Variants in MOXD1 observed in about 807,000 individuals in gnomAD.
The protein encoded by MOXD1 is monooxygenase DBH like 1, also known as DBH-like monooxygenase protein 1.
Under a neutral mutation model 66.6 loss-of-function variants are expected in MOXD1, and 62 were observed. The observed-to-expected ratio is 0.93, with a 90% CI of 0.76 to 1.15. The LOEUF (loss-of-function observed/expected upper bound fraction) is 1.15. MOXD1 is among the 50% of genes most tolerant of loss of function. The pLI, the probability that MOXD1 is intolerant of heterozygous loss-of-function variation, is 0.00. For missense variants in MOXD1, 847 were observed against 754.6 expected, an observed-to-expected ratio of 1.12 and a Z score of -1.44; for synonymous variants, 303 against 281.9, an observed-to-expected ratio of 1.07 and a Z score of -0.75.
chr6:132,372,994 TATCCTGGGG>T lies in MOXD1; in HGVS notation c.412-6_414del. The T allele has an allele frequency of 6.2e-7, 1 of 1,610,838 alleles. No homozygotes were observed. The highest frequency in any genetic ancestry group is 8.5e-7 in the Non-Finnish European group (1 of 1,177,918). On this transcript the variant is annotated splice_acceptor_variant and splice_polypyrimidine_tract_variant and coding_sequence_variant and intron_variant, in exon 3 of 12. Coordinates refer to ENST00000367963, the MANE Select transcript of MOXD1 (RefSeq NM_015529.4). LOFTEE classifies it high-confidence loss of function. ...TAGGCCCAGATCACTCTCACAGTGCTATCCTGGGGATCAGACATGGGCATGATTAGGTCT... is the reference window on the plus strand; with the variant it reads ...TAGGCCCAGATCACTCTCACAGTGCTATCAGACATGGGCATGATTAGGTCT...
intron 1 of MOXD1, 138 bp downstream of exon 1, chr6:132,401,025 T>G: frequency 1.7e-6 from 2 of 1,145,306 alleles, no homozygotes; most frequent in Non-Finnish European, 2.3e-6. Flanking sequence ...GAGGCGAGAG[T>G]GAGCGTGGCC....
intron 4 of MOXD1, among the ~76,000 whole-genome samples, chr6:132,355,002 A>G (rs1355441044): frequency 6.6e-6 from 1 of 152,088 alleles, no homozygotes. Flanking sequence ...CCCTCCCATC[A>G]TGCCCCTCCC....
At chr6:132,366,688 C>G (rs1177179772) in intron 4 of MOXD1, among the ~76,000 whole-genome samples, 2 of 152,012 alleles carry the variant, frequency 1.3e-5, no homozygotes, top group Non-Finnish European at 2.9e-5. Context: ...AAATAGAAAC[C>G]CTCTATCGCA....
chr6:132,303,807 A>ACG (rs1491472694), intron 10 of MOXD1, among the ~76,000 whole-genome samples: 14 of 47,922 alleles, frequency 2.9e-4, no homozygotes, highest in Admixed American at 2.1e-3. Context: ...ATACACACAC[A>ACG]TGTGTGTGTG....
chr6:132,382,079 T>C (rs1188776845), intron 1 of MOXD1, among the ~76,000 whole-genome samples: 1 of 152,142 alleles, frequency 6.6e-6, no homozygotes, highest in East Asian at 1.9e-4. Flanking sequence ...ACTCTCGTTG[T>C]CATGGCCTGA....
intron 1 of MOXD1, chr6:132,391,448 T>C (rs1378565237): frequency 2.6e-5 from 4 of 152,196 alleles, no homozygotes; most frequent in African/African-American, 9.7e-5. Context: ...GCTTTTTTTT[T>C]CTACTGAAAT....
chr6:132,304,057 G>C (rs968792025), intron 10 of MOXD1, among the ~76,000 whole-genome samples: 1 of 151,464 alleles, frequency 6.6e-6, no homozygotes. Flanking sequence ...CCCCAATAGG[G>C]TTTGAATGTT....
chr6:132,401,025 T>C, intron 1 of MOXD1, 138 bp downstream of exon 1: 1 of 1,145,308 alleles, frequency 8.7e-7, no homozygotes, highest in Non-Finnish European at 1.2e-6. Context: ...GAGGCGAGAG[T>C]GAGCGTGGCC....
intron 1 of MOXD1, among the ~76,000 whole-genome samples, chr6:132,383,796 G>A (rs577105774): frequency 1.3e-5 from 2 of 152,286 alleles, no homozygotes; most frequent in East Asian, 3.9e-4. Context: ...ATGGCTGGGT[G>A]CAGTGGCTCG....
At chr6:132,374,510 A>G (rs1437807084) in intron 2 of MOXD1, 121 bp downstream of exon 2, 7 of 1,057,166 alleles carry the variant, frequency 6.6e-6, no homozygotes, top group Non-Finnish European at 8.7e-6. Context: ...AAAAAAATCA[A>G]AAAAGATTTC....
chr6:132,328,606 T>C lies in MOXD1; in HGVS notation c.664-12A>G. On this transcript the variant is annotated splice_polypyrimidine_tract_variant and intron_variant, in intron 4 of 11. Coordinates refer to ENST00000367963, the MANE Select transcript of MOXD1 (RefSeq NM_015529.4). ...ATCACTGGCTCAACCTACACGAACA[T>C]AAATGAGAGGGAGGACACAATAAAT... The C allele has an allele frequency of 6.2e-7, 1 of 1,611,576 alleles. No homozygotes were observed. The highest frequency in any genetic ancestry group is 1.1e-5 in the South Asian group (1 of 90,896).
At chr6:132,401,141 C>A (rs1463822605) in intron 1 of MOXD1, 22 bp downstream of exon 1, 5 of 1,482,454 alleles carry the variant, frequency 3.4e-6, no homozygotes, top group Non-Finnish European at 4.5e-6. Context: ...GCCGGGCGGG[C>A]TCCGGGAGGA....
chr6:132,332,230 G>A (rs1324941343), intron 4 of MOXD1, among the ~76,000 whole-genome samples: 1 of 152,168 alleles, frequency 6.6e-6, no homozygotes, highest in Non-Finnish European at 1.5e-5. Context: ...TGAGGGTGCA[G>A]CCTAAAACAT....
At position 132,349,423 on chromosome 6, in the gene MOXD1, A is replaced by G. The variant is rs1429783346; in HGVS notation, c.664-20829T>C. On this transcript the variant is annotated intron_variant, in intron 4 of 11. Transcript: ENST00000367963. The stretch of plus-strand genomic sequence containing the variant: ...TATATATACATATATATATATATAC[A>G]TATATATATATACATATATATATAT... Among the ~76,000 whole-genome samples, 38 of 61,032 alleles carry G rather than the reference A, an allele frequency of 6.2e-4. 5 individuals carry two copies. Among genetic ancestry groups the G allele is most frequent in the African/African-American group, 4.8e-3 (32 of 6,700 alleles). 40.0% of individuals were successfully genotyped at this position (61,032 alleles called of 152,430 possible).
chr6:132,380,952 GA>G (rs898195161), intron 1 of MOXD1, among the ~76,000 whole-genome samples: 3 of 150,542 alleles, frequency 2.0e-5, no homozygotes, highest in Non-Finnish European at 4.4e-5. Context: ...TTAGTATTCA[GA>G]AAAAAAAGGG....
chr6:132,398,936 A>ACAAAAAG (rs1554239403), intron 1 of MOXD1, among the ~76,000 whole-genome samples: 17 of 55,322 alleles, frequency 3.1e-4, no homozygotes, highest in Non-Finnish European at 5.4e-4. Context: ...AGACTTTGTC[A>ACAAAAAG]AAAAAAAAAA....
At chr6:132,298,765 A>T (rs112285213) in intron 10 of MOXD1, among the ~76,000 whole-genome samples, 3 of 146,950 alleles carry the variant, frequency 2.0e-5, no homozygotes, top group Admixed American at 1.3e-4. Flanking sequence ...GCAAAAAAAA[A>T]CAACAACTGA....
At chr6:132,314,301 G>T (rs1171200430) in intron 10 of MOXD1, among the ~76,000 whole-genome samples, 1 of 152,154 alleles carries the variant, frequency 6.6e-6, no homozygotes, top group Non-Finnish European at 1.5e-5. Context: ...TCATCAACTT[G>T]GTGTCACCAC....
intron 4 of MOXD1, among the ~76,000 whole-genome samples, chr6:132,353,358 A>G (rs757282171): frequency 3.9e-5 from 6 of 152,146 alleles, no homozygotes; most frequent in Non-Finnish European, 4.4e-5. Flanking sequence ...CTTCCTTAAT[A>G]GTGGCGAATT....
Sources: allele counts gnomAD v4.1 joint callset (sites outside exome capture counted in the v4.1 genomes callset), GRCh38; gene constraint gnomAD v4.1.1; transcripts MANE v1.5; gene names NCBI Gene and HGNC (gene_info 2026-07-23, HGNC 2026-07-21).